SRGAP3: variants seen among roughly 807,000 people sequenced by gnomAD.
The protein encoded by SRGAP3 is SLIT-ROBO Rho GTPase-activating protein 3.
Under a neutral mutation model 121.1 loss-of-function variants are expected in SRGAP3, and 39 were observed. That is an observed-to-expected ratio of 0.32 (90% CI 0.25 to 0.42). SRGAP3 has a LOEUF of 0.42. Among genes scored for constraint, SRGAP3 ranks in the 10% least tolerant of loss-of-function variants. The probability of loss-of-function intolerance (pLI) is 1.00; values close to 1 mark genes in which losing one functional copy is unlikely to be tolerated. For missense variants in SRGAP3, 1,213 were observed against 1,470.6 expected (o/e 0.82, Z 2.86); for synonymous variants, 601 against 570.0 (o/e 1.05, Z -0.77).
At chr3:9,312,181 G>T (rs1338442713) in intron 3 of SRGAP3, among the ~76,000 whole-genome samples, 2 of 152,126 alleles carry the variant, frequency 1.3e-5, no homozygotes, top group Non-Finnish European at 2.9e-5. Flanking sequence ...TTGAGATGGA[G>T]TCTTGCTCTG....
intron 8 of SRGAP3, among the ~76,000 whole-genome samples, chr3:9,053,868 C>A (rs1404451728): frequency 6.6e-6 from 1 of 152,238 alleles, no homozygotes; most frequent in Non-Finnish European, 1.5e-5. Context: ...TACAACACCC[C>A]TTTGCTGAAC....
chr3:8,988,735 TG>T (rs57551730), intron 21 of SRGAP3, among the ~76,000 whole-genome samples: 8,297 of 150,832 alleles, frequency 0.055, 588 homozygotes, highest in East Asian at 0.21. Context: ...TTTCCACAGA[TG>T]GGGGGTCAGG....
At chr3:9,021,113 A>G (rs1052603336) in intron 14 of SRGAP3, among the ~76,000 whole-genome samples, 2 of 152,202 alleles carry the variant, frequency 1.3e-5, no homozygotes, top group African/African-American at 4.8e-5. Context: ...CCCGCCCAGC[A>G]TCTCCAGGTT....
intron 10 of SRGAP3, among the ~76,000 whole-genome samples, chr3:9,039,915 G>A (rs552228227): frequency 6.6e-5 from 10 of 152,194 alleles, no homozygotes; most frequent in African/African-American, 1.7e-4. Context: ...AACCTTAAAT[G>A]TTTCCCATAG....
At chr3:9,144,194 C>A (rs917728811) in intron 1 of SRGAP3, among the ~76,000 whole-genome samples, 3 of 152,248 alleles carry the variant, frequency 2.0e-5, no homozygotes, top group African/African-American at 4.8e-5. Context: ...AGGATAAAGA[C>A]CAAAACCTTA....
At chr3:9,044,207 A>G (rs868539038) in intron 10 of SRGAP3, among the ~76,000 whole-genome samples, 62 of 152,324 alleles carry the variant, frequency 4.1e-4, no homozygotes, top group African/African-American at 1.4e-3. Flanking sequence ...CATCCTGTCA[A>G]AAGAGTACAG....
intron 3 of SRGAP3, among the ~76,000 whole-genome samples, chr3:9,270,381 G>T (rs2125260243): frequency 6.6e-6 from 1 of 152,108 alleles, no homozygotes; most frequent in South Asian, 2.1e-4. Context: ...CTAATCCATG[G>T]CGATAGAAAT....
chr3:9,162,078 G>A (rs889330910), intron 1 of SRGAP3, among the ~76,000 whole-genome samples: 13 of 152,130 alleles, frequency 8.5e-5, no homozygotes, highest in Non-Finnish European at 1.5e-4. Flanking sequence ...GACAAATACT[G>A]TATGACTCTA....
chr3:9,302,814 C>T (rs1429196613), intron 3 of SRGAP3, among the ~76,000 whole-genome samples: 1 of 152,002 alleles, frequency 6.6e-6, no homozygotes, highest in Non-Finnish European at 1.5e-5. Flanking sequence ...AACAGTCTCC[C>T]GGGTACAAGG....
chr3:9,121,074 T>G (rs1014170690), intron 2 of SRGAP3, among the ~76,000 whole-genome samples: 1 of 152,196 alleles, frequency 6.6e-6, no homozygotes, highest in Non-Finnish European at 1.5e-5. Context: ...TGTAAAATCT[T>G]GGGCAAATCA....
intron 1 of SRGAP3, among the ~76,000 whole-genome samples, chr3:9,206,341 T>C (rs779456112): frequency 1.3e-5 from 2 of 152,166 alleles, no homozygotes; most frequent in Non-Finnish European, 2.9e-5. Context: ...GAATAATTCA[T>C]GGTTCCACAG....
At position 9,186,745 on chromosome 3, in the gene SRGAP3, G is replaced by A. The variant is rs183070768; in HGVS notation, c.68-61828C>T. Among the ~76,000 whole-genome samples the A allele has an allele frequency of 7.2e-5, 11 of 152,236 alleles. 1 individual carries two copies. In the East Asian group the frequency reaches 2.1e-3, roughly 29 times the overall value. ...ATGCTGTGTCCTTAGGCGGTCTAAG[G>A]TGGATGTTTATTTCCAGTTATTGAA... On this transcript the variant is annotated intron_variant, in intron 1 of 21. Coordinates refer to ENST00000383836, the MANE Select transcript of SRGAP3 (RefSeq NM_014850.4).
intron 3 of SRGAP3, among the ~76,000 whole-genome samples, chr3:9,099,800 T>A (rs1407659526): frequency 3.3e-5 from 5 of 152,202 alleles, no homozygotes; most frequent in Admixed American, 2.0e-4. Context: ...TAATAAAGCC[T>A]CCAGGTGATC....
At chr3:9,039,288 C>T (rs1944912047) in intron 10 of SRGAP3, among the ~76,000 whole-genome samples, 1 of 152,190 alleles carries the variant, frequency 6.6e-6, no homozygotes, top group Admixed American at 6.5e-5. Context: ...GTCTCCTCCT[C>T]ATTCTGCCCA....
chr3:9,000,469 T>C (rs1389192928), intron 18 of SRGAP3, among the ~76,000 whole-genome samples: 3 of 152,258 alleles, frequency 2.0e-5, no homozygotes, highest in East Asian at 1.9e-4. Context: ...GATTTTCCCA[T>C]GGGGGAGAAC....
At chr3:9,312,604 A>G (rs1036140859) in intron 3 of SRGAP3, among the ~76,000 whole-genome samples, 1 of 152,208 alleles carries the variant, frequency 6.6e-6, no homozygotes, top group Non-Finnish European at 1.5e-5. Context: ...ACACAATTAG[A>G]GTCTCTGCTG....
intron 1 of SRGAP3, among the ~76,000 whole-genome samples, chr3:9,195,548 C>T (rs1441977794): frequency 6.6e-6 from 1 of 152,162 alleles, no homozygotes; most frequent in Non-Finnish European, 1.5e-5. Flanking sequence ...CACTTCCTCC[C>T]TCAGCTCCTC....
intron 2 of SRGAP3, among the ~76,000 whole-genome samples, chr3:9,105,967 A>G (rs1036911775): frequency 3.3e-5 from 5 of 152,242 alleles, no homozygotes; most frequent in Non-Finnish European, 5.9e-5. Context: ...AAACTGTTGA[A>G]TATCTCATGT....
chr3:9,049,623 G>A (rs75955978), intron 9 of SRGAP3, among the ~76,000 whole-genome samples: 9,590 of 152,230 alleles, frequency 0.063, 363 homozygotes, highest in Middle Eastern at 0.11. Context: ...CCAGGGGCTT[G>A]TAACCAGCTG....
Sources: allele counts gnomAD v4.1 joint callset (sites outside exome capture counted in the v4.1 genomes callset), GRCh38; gene constraint gnomAD v4.1.1; transcripts MANE v1.5; gene names NCBI Gene and HGNC (gene_info 2026-07-23, HGNC 2026-07-21).